Variants in SUPV3L1 observed in about 807,000 individuals in gnomAD.
SUPV3L1 encodes Suv3 like RNA helicase.
Under a neutral mutation model 70.0 loss-of-function variants are expected in SUPV3L1, and 35 were observed. The ratio of observed to expected loss-of-function variants is 0.50; its 90% CI spans 0.38 to 0.66. The LOEUF (loss-of-function observed/expected upper bound fraction) is 0.66, where lower values mean the gene tolerates loss of function less well. Among genes scored for constraint, SUPV3L1 ranks in the 30% least tolerant of loss-of-function variants. The probability of loss-of-function intolerance (pLI) is 0.00; values close to 1 mark genes in which losing one functional copy is unlikely to be tolerated. For missense variants in SUPV3L1, 777 were observed against 961.5 expected, an observed-to-expected ratio of 0.81 and a Z score of 2.54; for synonymous variants, 364 against 341.9, an observed-to-expected ratio of 1.06 and a Z score of -0.71.
chr10:69,186,616 C>T, intron 3 of SUPV3L1, 66 bp downstream of exon 3: 1 of 1,352,294 alleles, frequency 7.4e-7, no homozygotes, highest in South Asian at 1.2e-5. Flanking sequence ...ATACTTCATG[C>T]TCATTTCTCT....
At chr10:69,184,654 G>GACACACACAC (rs1842167237) in intron 1 of SUPV3L1, among the ~76,000 whole-genome samples, 1 of 71,480 alleles carries the variant, frequency 1.4e-5, no homozygotes, top group Admixed American at 1.3e-4. Flanking sequence ...CACACACACT[G>GACACACACAC]TGTGTGTATG....
At chr10:69,203,566 A>G (rs973928190) in intron 13 of SUPV3L1, among the ~76,000 whole-genome samples, 1 of 149,560 alleles carries the variant, frequency 6.7e-6, no homozygotes, top group African/African-American at 2.5e-5. Context: ...CGGGAGGCTG[A>G]GGCAGGAGAA....
chr10:69,187,835 T>C, intron 4 of SUPV3L1, 79 bp downstream of exon 4: 3 of 918,588 alleles, frequency 3.3e-6, no homozygotes, highest in Non-Finnish European at 4.9e-6. Flanking sequence ...TTTTTTATTG[T>C]ATTCTAGATA....
At chr10:69,188,486 A>G (rs7908763) in intron 4 of SUPV3L1, among the ~76,000 whole-genome samples, 6,409 of 129,232 alleles carry the variant, frequency 0.05, 483 homozygotes, top group African/African-American at 0.15. Flanking sequence ...ATTTTGCCCC[A>G]CTTTGTACTT....
intron 6 of SUPV3L1, 189 bp downstream of exon 6, chr10:69,191,955 C>T (rs574341931): frequency 4.2e-5 from 18 of 432,126 alleles, no homozygotes; most frequent in Admixed American, 1.5e-4. Flanking sequence ...TACAGGTGCC[C>T]GCCACCACAC....
chr10:69,180,398 C>T lies in SUPV3L1; in HGVS notation c.107C>T (p.Pro36Leu), dbSNP rs1842015974. Residue 36 changes from proline (P) to leucine (L), a missense_variant, in exon 1 of 15, where the codon CCC (proline) becomes CTC (leucine). Around this residue, in one of 2 missense-constraint regions of SUPV3L1, gnomAD observed 158 missense variants for 138.3 expected, o/e 1.14. Transcript: ENST00000359655. Reference sequence around the variant, plus strand: ...CTTCGTCCCCACTTTGGGCCCTTTCCCGGGGTTCTGGGGCAAGTTTCTGTC... The same window carrying T: ...CTTCGTCCCCACTTTGGGCCCTTTCTCGGGGTTCTGGGGCAAGTTTCTGTC... ...SALRPHFGPF[P>L]GVLGQVSVLA... 1.9e-6 allele frequency: 3 copies of T among 1,614,150 alleles called. No homozygotes were observed. The highest frequency in any genetic ancestry group is 1.1e-5 in the South Asian group (1 of 91,092).
intron 6 of SUPV3L1, among the ~76,000 whole-genome samples, chr10:69,193,850 T>A (rs1842465807): frequency 6.6e-6 from 1 of 152,190 alleles, no homozygotes; most frequent in Non-Finnish European, 1.5e-5. Flanking sequence ...ATATATGAAT[T>A]ACAGGGAATA....
Position 69,198,389 on chromosome 10 carries a change from G to A in SUPV3L1, c.1041G>A (p.Arg347=). Reference sequence around the variant, plus strand: ...TATTGTAGGTTCGAGACTATAAGAGGCTTACCCCCATTTCTGTGCTGGACC... The same window carrying A: ...TATTGTAGGTTCGAGACTATAAGAGACTTACCCCCATTTCTGTGCTGGACC... ...GEEVEVRDYK[R]LTPISVLDHA... The change falls in exon 9 of 15, where the codon AGG becomes AGA. Residue 347 remains arginine (R), a synonymous_variant. Transcript: ENST00000359655. 1.2e-6 allele frequency: 2 copies of A among 1,610,860 alleles called. No homozygotes were observed. Among genetic ancestry groups the A allele is most frequent in the Non-Finnish European group, 1.7e-6 (2 of 1,179,002 alleles).
Position 69,195,265 on chromosome 10 carries a change from GGT to G in SUPV3L1, c.931+1_931+2del. The G allele has an allele frequency of 6.2e-7, 1 of 1,601,116 alleles. No individual in the cohort carries two copies. Among genetic ancestry groups the G allele is most frequent in the Admixed American group, 1.8e-5 (1 of 57,004 alleles). ...ATGGGCCTGGACCAGAGCACTTCTA[GGT>G]TGGTGGTCGTAATGCTATAAAACCC... On this transcript the variant is annotated splice_donor_variant, in intron 7 of 14. Coordinates refer to ENST00000359655, the MANE Select transcript of SUPV3L1 (RefSeq NM_003171.5). LOFTEE classifies it high-confidence loss of function.
In SUPV3L1 at chr10:69,186,003, C is replaced by A; in HGVS notation, c.288C>A (p.Val96=). The change falls in exon 2 of 15, where the codon GTC becomes GTA. Residue 96 remains valine, a synonymous_variant. Coordinates refer to ENST00000359655, the MANE Select transcript of SUPV3L1 (RefSeq NM_003171.5). ...CTCTTCTAGATGAAGTAAAGAAGGTCTTAGACAAATTTTACAAGAGGAAAG... is the reference window on the plus strand; with the variant it reads ...CTCTTCTAGATGAAGTAAAGAAGGTATTAGACAAATTTTACAAGAGGAAAG... ...RPLDKNEVKK[V]LDKFYKRKEI... is the part of the protein sequence containing the mutation. 6.2e-7 allele frequency: 1 copy of A among 1,613,426 alleles called. No individual in the cohort carries two copies. The highest frequency in any genetic ancestry group is 1.1e-5 in the South Asian group (1 of 91,064).
rs1842882751 is a variant in SUPV3L1 at position 69,208,086 on chromosome 10, G to C, written c.1925+145G>C. The C allele has an allele frequency of 1.9e-5, 20 of 1,065,534 alleles. No homozygotes were observed. The Admixed American group carries it at 4.9e-4, about 26-fold the overall frequency. The allele number at this position is 1,065,534 out of a possible 1,614,324, so 66.0% of individuals were successfully genotyped here. ...TATTGTCCATAAAGGCAATTCAACTGATGGAATGGTTTCCCATTCCAAAAA... is the reference window on the plus strand; with the variant it reads ...TATTGTCCATAAAGGCAATTCAACTCATGGAATGGTTTCCCATTCCAAAAA... On this transcript the variant is annotated intron_variant, in intron 14 of 14. Coordinates refer to ENST00000359655, the MANE Select transcript of SUPV3L1 (RefSeq NM_003171.5).
chr10:69,193,573 CT>C (rs896241922), intron 6 of SUPV3L1, among the ~76,000 whole-genome samples: 1 of 151,442 alleles, frequency 6.6e-6, no homozygotes, highest in Non-Finnish European at 1.5e-5. Context: ...TCCTGCCTCA[CT>C]TTTAAATTTT....
At chr10:69,197,403 C>T (rs949533398) in intron 8 of SUPV3L1, among the ~76,000 whole-genome samples, 2 of 152,080 alleles carry the variant, frequency 1.3e-5, no homozygotes, top group South Asian at 2.1e-4. Context: ...GCAAGTTTGT[C>T]GTTTTCAAAG....
chr10:69,197,258 T>G (rs934376100), intron 8 of SUPV3L1, among the ~76,000 whole-genome samples, 175 bp downstream of exon 8: 2 of 152,226 alleles, frequency 1.3e-5, no homozygotes, highest in Admixed American at 1.3e-4. Flanking sequence ...TGATCTGAAG[T>G]TCTGACAGAG....
At chr10:69,194,725 A>G (rs1403934344) in intron 6 of SUPV3L1, among the ~76,000 whole-genome samples, 1 of 148,920 alleles carries the variant, frequency 6.7e-6, no homozygotes, top group Non-Finnish European at 1.5e-5. Context: ...ACAGTGAGCT[A>G]TGATTGTGCC....
intron 6 of SUPV3L1, 119 bp downstream of exon 6, chr10:69,191,885 C>T (rs1263903732): frequency 9.8e-5 from 60 of 613,378 alleles, no homozygotes; most frequent in Middle Eastern, 4.7e-4. Context: ...CGGCTCACTG[C>T]GACCTCTGCC....
At chr10:69,204,813 G>A (rs1842782213) in intron 13 of SUPV3L1, among the ~76,000 whole-genome samples, 2 of 150,054 alleles carry the variant, frequency 1.3e-5, no homozygotes, top group South Asian at 2.1e-4. Context: ...TCACTCTGTC[G>A]CTGAGGCTGG....
Position 69,186,433 on chromosome 10 carries a change from G to A in SUPV3L1, c.350-10G>A. ...TACACCTTACATCTTTTCATTTTGT[G>A]TTTCTACAGCTCGTCTCTTCCACCA... On this transcript the variant is annotated splice_polypyrimidine_tract_variant and intron_variant, in intron 2 of 14. Transcript: ENST00000359655. 6.2e-7 allele frequency: 1 copy of A among 1,601,316 alleles called. No homozygotes were observed. Among genetic ancestry groups the A allele is most frequent in the East Asian group, 2.2e-5 (1 of 44,668 alleles).
rs754702738 is a variant in SUPV3L1, at chr10:69,180,586, C to T, written c.271+24C>T. The T allele has an allele frequency of 3.7e-6, 6 of 1,610,160 alleles. No homozygotes were observed. The East Asian group carries it at 1.3e-4, about 36-fold the overall frequency. On this transcript the variant is annotated intron_variant, in intron 1 of 14. Transcript: ENST00000359655. ...GAGTGAGTGCGGGAACTACTGAGGGCGGCAGAGGGTGGTGTCTGCTGGGCC... is the reference window on the plus strand; with the variant it reads ...GAGTGAGTGCGGGAACTACTGAGGGTGGCAGAGGGTGGTGTCTGCTGGGCC...
Sources: allele counts gnomAD v4.1 joint callset (sites outside exome capture counted in the v4.1 genomes callset), GRCh38; gene constraint gnomAD v4.1.1; regional missense constraint gnomAD v4.1.1; transcripts MANE v1.5; gene names NCBI Gene and HGNC (gene_info 2026-07-23, HGNC 2026-07-21).